Variants in MED26 observed in about 807,000 individuals in gnomAD.
MED26 encodes mediator complex subunit 26.
MED26 carries 7 observed loss-of-function variants against 43.7 expected under a neutral mutation model. The observed-to-expected ratio is 0.16, with a 90% confidence interval of 0.09 to 0.30. The LOEUF is 0.30. MED26 is among the 10% of genes least tolerant of loss of function. MED26 has a pLI of 1.00. For missense variants in MED26, 784 were observed against 840.6 expected (o/e 0.93, Z 0.83); for synonymous variants, 375 against 371.1 (o/e 1.01, Z -0.12).
chr19:16,590,515 C>CT lies in MED26; in HGVS notation c.73-12107dup, dbSNP rs536339239. Among the ~76,000 whole-genome samples the CT allele has an allele frequency of 4.7e-4, 71 of 152,280 alleles. No homozygotes were observed. The East Asian group carries it at 0.013, about 28-fold the overall frequency. ...AATAGATGTCTGATTTTGTCACATG[C>CT]TTTTCCTGCATGTACTGGGATGATT... On this transcript the variant is annotated intron_variant, in intron 1 of 2. Coordinates refer to ENST00000263390, the MANE Select transcript of MED26 (RefSeq NM_004831.5).
In MED26 at chr19:16,627,881, G is replaced by A. The variant is rs916251019; in HGVS notation, c.63C>T (p.Pro21=). ...CGCGGCGGGTACTTACGTTGCTCTG[G>A]GGGTCGATGGCCTGCAGCAGCCGGT... The part of the protein sequence containing the change: ...IRDRLLQAID[P]QSNIRNMVAV... The change falls in exon 1 of 3, where the codon CCC becomes CCT. Residue 21 remains proline (P), a synonymous_variant. Coordinates refer to ENST00000263390, the MANE Select transcript of MED26 (RefSeq NM_004831.5). 1.3e-6 allele frequency: 2 copies of A among 1,497,964 alleles called. No homozygotes were observed. Among genetic ancestry groups the A allele is most frequent in the African/African-American group, 1.4e-5 (1 of 69,236 alleles). The allele number at this position is 1,497,964 out of a possible 1,614,324, so 92.8% of individuals were successfully genotyped here.
At chr19:16,606,505 T>G (rs752500307) in intron 1 of MED26, among the ~76,000 whole-genome samples, 2 of 152,126 alleles carry the variant, frequency 1.3e-5, no homozygotes, top group Non-Finnish European at 2.9e-5. Flanking sequence ...GCCAAGATCA[T>G]GCCAATGCAC....
chr19:16,609,152 T>A (rs2086187212), intron 1 of MED26, among the ~76,000 whole-genome samples: 1 of 151,540 alleles, frequency 6.6e-6, no homozygotes, highest in Non-Finnish European at 1.5e-5. Context: ...CTGTCTCTAC[T>A]AAAAATACAA....
chr19:16,615,098 T>C (rs1310469763), intron 1 of MED26, among the ~76,000 whole-genome samples: 1 of 151,724 alleles, frequency 6.6e-6, no homozygotes, highest in East Asian at 1.9e-4. Flanking sequence ...GTGGGGGAAA[T>C]GACAGGCAAG....
intron 1 of MED26, among the ~76,000 whole-genome samples, chr19:16,584,252 CA>C (rs1017802282): frequency 8.0e-6 from 1 of 124,724 alleles, no homozygotes; most frequent in Non-Finnish European, 1.7e-5. Flanking sequence ...GACTCCGTCT[CA>C]AAAAAAAGAA....
chr19:16,597,651 C>T (rs979986572), intron 1 of MED26, among the ~76,000 whole-genome samples: 2 of 152,202 alleles, frequency 1.3e-5, no homozygotes, highest in African/African-American at 4.8e-5. Context: ...GCTCTGTGGG[C>T]TGCTTGGTGC....
At chr19:16,596,750 A>C (rs2086121691) in intron 1 of MED26, among the ~76,000 whole-genome samples, 3 of 152,140 alleles carry the variant, frequency 2.0e-5, no homozygotes, top group Non-Finnish European at 2.9e-5. Context: ...GAACGGGGTG[A>C]CAGGACCTGG....
intron 1 of MED26, among the ~76,000 whole-genome samples, chr19:16,623,423 G>T (rs2086260078): frequency 6.6e-6 from 1 of 152,182 alleles, no homozygotes; most frequent in South Asian, 2.1e-4. Context: ...ACACCATTCT[G>T]CTTTTCTGCA....
chr19:16,598,993 G>A (rs767965577), intron 1 of MED26, among the ~76,000 whole-genome samples: 17 of 152,192 alleles, frequency 1.1e-4, no homozygotes, highest in Non-Finnish European at 1.6e-4. Flanking sequence ...AACTTCTTGA[G>A]CTTCCCTGCC....
intron 1 of MED26, among the ~76,000 whole-genome samples, chr19:16,581,115 G>A (rs1321041121): frequency 1.3e-5 from 2 of 152,202 alleles, no homozygotes. Flanking sequence ...GTGTAAAGTT[G>A]CAGAGCCACG....
intron 1 of MED26, among the ~76,000 whole-genome samples, chr19:16,615,663 T>C (rs1038273979): frequency 6.6e-6 from 1 of 151,774 alleles, no homozygotes; most frequent in Non-Finnish European, 1.5e-5. Flanking sequence ...GGAGAACTGC[T>C]TGAAACCAGG....
rs1358077422 is a variant in MED26 at position 16,577,993 on chromosome 19, G to A, written c.148-311C>T. The A allele has an allele frequency of 1.0e-5, 5 of 478,462 alleles. No individual in the cohort carries two copies. The highest frequency in any genetic ancestry group is 2.7e-5 in the South Asian group (1 of 36,658). The allele number at this position is 478,462 out of a possible 1,614,324, so 29.6% of individuals were successfully genotyped here. On this transcript the variant is annotated intron_variant, in intron 2 of 2. Coordinates refer to ENST00000263390, the MANE Select transcript of MED26 (RefSeq NM_004831.5). The surrounding 1 kb of genome is among the most constrained non-coding windows in gnomAD (Gnocchi z 8.1). ...GGACACTGCCAGAGAGGCTTCCTGG[G>A]TGAGAGGGTGCTGTGGCCGAGGCGA...
intron 1 of MED26, chr19:16,597,587 T>A (rs571971409): frequency 2.5e-6 from 1 of 397,056 alleles, no homozygotes; most frequent in South Asian, 1.4e-4. Context: ...ACCAACACGG[T>A]CCTGAGTTCA....
intron 1 of MED26, among the ~76,000 whole-genome samples, chr19:16,601,628 T>G (rs2086149888): frequency 6.6e-6 from 1 of 151,878 alleles, no homozygotes; most frequent in South Asian, 2.1e-4. Context: ...CTGGGGCCCC[T>G]AGGAGGGTGA....
chr19:16,583,573 C>G (rs2086056222), intron 1 of MED26, among the ~76,000 whole-genome samples: 1 of 152,112 alleles, frequency 6.6e-6, no homozygotes, highest in Admixed American at 6.5e-5. Flanking sequence ...GTAAATGCAG[C>G]AAGGAGCACT....
chr19:16,592,378 C>A (rs2086101745), intron 1 of MED26, among the ~76,000 whole-genome samples: 1 of 152,212 alleles, frequency 6.6e-6, no homozygotes, highest in Non-Finnish European at 1.5e-5. Context: ...AAAGCCTCTC[C>A]CGATGGTGGT....
At chr19:16,609,941 T>TAAAAAAAAAA (rs869040520) in intron 1 of MED26, among the ~76,000 whole-genome samples, 41 of 84,670 alleles carry the variant, frequency 4.8e-4, no homozygotes, top group African/African-American at 1.8e-3. Context: ...AAGCACTCTT[T>TAAAAAAAAAA]AAAAAAAAAA....
intron 1 of MED26, among the ~76,000 whole-genome samples, chr19:16,596,927 G>T (rs1353800870): frequency 6.6e-6 from 1 of 152,142 alleles, no homozygotes; most frequent in Non-Finnish European, 1.5e-5. Context: ...GAATGAGGTG[G>T]GCCAACTTGC....
intron 1 of MED26, among the ~76,000 whole-genome samples, chr19:16,609,820 A>T (rs954380008): frequency 6.6e-6 from 1 of 151,932 alleles, no homozygotes; most frequent in African/African-American, 2.4e-5. Context: ...TCCAAGTTTT[A>T]TCACCTTCTT....
Sources: allele counts gnomAD v4.1 joint callset (sites outside exome capture counted in the v4.1 genomes callset), GRCh38; gene constraint gnomAD v4.1.1; non-coding constraint Gnocchi (gnomAD v3.1); transcripts MANE v1.5; gene names NCBI Gene and HGNC (gene_info 2026-07-23, HGNC 2026-07-21).